ELP3: variants seen among roughly 807,000 people sequenced by gnomAD.
ELP3 encodes the protein elongator acetyltransferase complex subunit 3, also known as elongator complex protein 3.
ELP3 carries 56 observed loss-of-function variants against 74.9 expected under a neutral mutation model. That is an observed-to-expected ratio of 0.75 (90% CI 0.60 to 0.93). The LOEUF (loss-of-function observed/expected upper bound fraction) is 0.93, where lower values mean the gene tolerates loss of function less well. Among genes scored for constraint, ELP3 ranks in the 40% least tolerant of loss-of-function variants. The pLI, the probability that ELP3 is intolerant of heterozygous loss-of-function variation, is 0.00. For missense variants in ELP3, 573 were observed against 686.5 expected (o/e 0.83, Z 1.85); for synonymous variants, 222 against 239.8 (o/e 0.93, Z 0.68).
chr8:28,113,307 G>T (rs1318178720), intron 7 of ELP3, 134 bp downstream of exon 7: 6 of 602,698 alleles, frequency 1.0e-5, no homozygotes, highest in Non-Finnish European at 1.6e-5. Context: ...CATGGGAAAG[G>T]ATTATTTCAG....
chr8:28,180,013 T>C (rs1814937638), intron 14 of ELP3, among the ~76,000 whole-genome samples: 1 of 152,222 alleles, frequency 6.6e-6, no homozygotes, highest in African/African-American at 2.4e-5. Context: ...TTGAGGATAT[T>C]CCCTCAGGCT....
rs182247734 is a variant in ELP3, at chr8:28,162,546, G to A, written c.1567+468G>A. 3.7e-4 allele frequency among the ~76,000 whole-genome samples: 57 copies of A among 152,282 alleles called. No individual in the cohort carries two copies. The East Asian group carries it at 0.01, about 28-fold the overall frequency. ...TTGTTCTCAGTAACTTCAATCCTGG[G>A]GAACAGCTTTCCCCTGTTTGGGAGT... On this transcript the variant is annotated intron_variant, in intron 14 of 14. Coordinates refer to ENST00000256398, the MANE Select transcript of ELP3 (RefSeq NM_018091.6).
intron 14 of ELP3, among the ~76,000 whole-genome samples, chr8:28,174,420 T>C (rs1403124691): frequency 6.6e-6 from 1 of 152,098 alleles, no homozygotes; most frequent in Non-Finnish European, 1.5e-5. Context: ...TATGACTCTT[T>C]TGGTTATTAG....
chr8:28,189,754 A>G lies in ELP3; in HGVS notation c.*29A>G, dbSNP rs993400494. The G allele has an allele frequency of 1.9e-6, 3 of 1,599,090 alleles. No individual in the cohort carries two copies. The highest frequency in any genetic ancestry group is 2.7e-5 in the African/African-American group (2 of 74,630). ...CCACACCAGTCCACTCTTCTGCAGT[A>G]TCCTCCCTGGCAGAACACGGAGAAT... On this transcript the variant is annotated 3_prime_UTR_variant, in exon 15 of 15. Transcript: ENST00000256398.
intron 2 of ELP3, 97 bp from the exon 3 acceptor site, chr8:28,099,731 A>G: frequency 7.6e-7 from 1 of 1,309,530 alleles, no homozygotes; most frequent in Non-Finnish European, 1.1e-6. Flanking sequence ...GGGATTGGAG[A>G]GTGACAGTTG....
At chr8:28,139,837 C>G (rs1813156838) in intron 10 of ELP3, among the ~76,000 whole-genome samples, 1 of 152,086 alleles carries the variant, frequency 6.6e-6, no homozygotes, top group Admixed American at 6.5e-5. Context: ...CCCAGCTACT[C>G]AGGAGGCTGA....
chr8:28,103,741 T>A (rs946867308), intron 3 of ELP3, among the ~76,000 whole-genome samples: 3 of 152,202 alleles, frequency 2.0e-5, no homozygotes, highest in South Asian at 2.1e-4. Context: ...TTAATTAATT[T>A]ATTTATTTTA....
At chr8:28,106,627 TCTC>T in intron 3 of ELP3, 83 bp from the exon 4 acceptor site, 1 of 1,046,664 alleles carries the variant, frequency 9.6e-7, no homozygotes, top group Non-Finnish European at 1.4e-6. Flanking sequence ...GTTGCATTCC[TCTC>T]CTTCCTTCCG....
chr8:28,154,707 A>C (rs963387364), intron 10 of ELP3, among the ~76,000 whole-genome samples: 3 of 152,208 alleles, frequency 2.0e-5, no homozygotes, highest in Admixed American at 6.5e-5. Flanking sequence ...ATTTAGCGTC[A>C]TCTGATTACT....
intron 10 of ELP3, among the ~76,000 whole-genome samples, chr8:28,149,370 TA>T (rs1813556225): frequency 6.6e-6 from 1 of 152,358 alleles, no homozygotes; most frequent in Non-Finnish European, 1.5e-5. Context: ...GATAGAGTCT[TA>T]TTCAGATTGA....
chr8:28,133,856 T>C (rs1025520454), intron 9 of ELP3, among the ~76,000 whole-genome samples: 9 of 150,346 alleles, frequency 6.0e-5, no homozygotes, highest in Admixed American at 2.0e-4. Flanking sequence ...GGATATGTAA[T>C]AGACTGTGAG....
chr8:28,170,413 A>C (rs1814473181), intron 14 of ELP3, among the ~76,000 whole-genome samples: 1 of 152,040 alleles, frequency 6.6e-6, no homozygotes, highest in South Asian at 2.1e-4. Context: ...CACACCTCAC[A>C]CTTTCCTAGG....
chr8:28,137,623 T>C, intron 9 of ELP3, 75 bp from the exon 10 acceptor site: 1 of 1,461,270 alleles, frequency 6.8e-7, no homozygotes, highest in Non-Finnish European at 9.4e-7. Flanking sequence ...AGAGAAGCTG[T>C]CAGGGGTTGA....
At chr8:28,122,862 C>T (rs955801665) in intron 7 of ELP3, among the ~76,000 whole-genome samples, 75 of 152,166 alleles carry the variant, frequency 4.9e-4, no homozygotes, top group Admixed American at 4.8e-3. Flanking sequence ...CAATGGCTCA[C>T]GCCTGTAATC....
At position 28,189,783 on chromosome 8, in the gene ELP3, G is replaced by C; in HGVS notation, c.*58G>C. ...TCCCTGGCAGAACACGGAGAATCAGGATTTCTTAAATACTCAACAGAGAGG... is the reference window on the plus strand; with the variant it reads ...TCCCTGGCAGAACACGGAGAATCAGCATTTCTTAAATACTCAACAGAGAGG... On this transcript the variant is annotated 3_prime_UTR_variant, in exon 15 of 15. Coordinates refer to ENST00000256398, the MANE Select transcript of ELP3 (RefSeq NM_018091.6). 1 of 1,559,040 alleles carries C rather than the reference G, an allele frequency of 6.4e-7. No individual in the cohort carries two copies. The highest frequency in any genetic ancestry group is 8.8e-7 in the Non-Finnish European group (1 of 1,130,686).
intron 3 of ELP3, among the ~76,000 whole-genome samples, chr8:28,104,662 G>A (rs1175964594): frequency 6.6e-6 from 1 of 152,226 alleles, no homozygotes; most frequent in Non-Finnish European, 1.5e-5. Context: ...ATGAGATTCA[G>A]GTTACGCGTC....
chr8:28,115,625 T>C (rs1812098668), intron 7 of ELP3, among the ~76,000 whole-genome samples: 2 of 152,178 alleles, frequency 1.3e-5, no homozygotes, highest in African/African-American at 4.8e-5. Flanking sequence ...TTATCTCTGT[T>C]TTATGGGTGA....
intron 14 of ELP3, among the ~76,000 whole-genome samples, chr8:28,163,664 G>C (rs190317898): frequency 2.0e-5 from 3 of 152,000 alleles, no homozygotes; most frequent in Non-Finnish European, 4.4e-5. Flanking sequence ...CTTCTCAACT[G>C]TTTAACCTGT....
At chr8:28,129,751 C>T (rs930135282) in intron 8 of ELP3, 88 bp downstream of exon 8, 19 of 1,494,820 alleles carry the variant, frequency 1.3e-5, no homozygotes, top group African/African-American at 5.5e-5. Context: ...TTCCTTCTGA[C>T]CACTCTTAGG....
Sources: allele counts gnomAD v4.1 joint callset (sites outside exome capture counted in the v4.1 genomes callset), GRCh38; gene constraint gnomAD v4.1.1; transcripts MANE v1.5; gene names NCBI Gene and HGNC (gene_info 2026-07-23, HGNC 2026-07-21).